Variants in SGTB observed in about 807,000 individuals in gnomAD.
The protein encoded by SGTB is small glutamine-rich tetratricopeptide repeat-containing protein beta.
A neutral mutation model predicts 43.9 loss-of-function variants in SGTB; 19 were observed. The observed-to-expected ratio is 0.43, with a 90% CI of 0.30 to 0.63. The LOEUF is 0.63. Among genes scored for constraint, SGTB ranks in the 30% least tolerant of loss-of-function variants. SGTB has a pLI of 0.12. For missense variants in SGTB, 304 were observed against 358.9 expected (o/e 0.85, Z 1.24); for synonymous variants, 116 against 117.3 (o/e 0.99, Z 0.07).
chr5:65,680,324 G>T (rs1757370335), intron 8 of SGTB, among the ~76,000 whole-genome samples, 170 bp downstream of exon 8: 1 of 152,116 alleles, frequency 6.6e-6, no homozygotes, highest in Admixed American at 6.5e-5. Flanking sequence ...ATTTACCCCT[G>T]CACTTGAAAT....
At chr5:65,696,262 C>T (rs1387930596) in intron 5 of SGTB, among the ~76,000 whole-genome samples, 5 of 152,022 alleles carry the variant, frequency 3.3e-5, no homozygotes. Flanking sequence ...CTGCATCATG[C>T]TCTCTCTCTC....
At chr5:65,687,979 G>T (rs1026205585) in intron 5 of SGTB, among the ~76,000 whole-genome samples, 4 of 152,024 alleles carry the variant, frequency 2.6e-5, no homozygotes, top group Non-Finnish European at 4.4e-5. Flanking sequence ...ATGTTGGCCA[G>T]GCTGATCTTG....
intron 10 of SGTB, among the ~76,000 whole-genome samples, chr5:65,671,309 C>T (rs997192888): frequency 3.3e-5 from 5 of 152,094 alleles, no homozygotes; most frequent in Admixed American, 6.6e-5. Flanking sequence ...TCTCCATACC[C>T]TCAAAGTACC....
At chr5:65,686,037 C>T (rs1757491323) in intron 5 of SGTB, among the ~76,000 whole-genome samples, 1 of 152,210 alleles carries the variant, frequency 6.6e-6, no homozygotes, top group Admixed American at 6.5e-5. Context: ...AAAAAGAACA[C>T]TTGCCTAGAT....
At chr5:65,682,971 T>C (rs1196461396) in intron 6 of SGTB, among the ~76,000 whole-genome samples, 7 of 152,162 alleles carry the variant, frequency 4.6e-5, no homozygotes, top group Non-Finnish European at 1.0e-4. Flanking sequence ...CTGATCAATA[T>C]ATAATCTTGT....
At chr5:65,687,854 C>T (rs143450647) in intron 5 of SGTB, among the ~76,000 whole-genome samples, 2,629 of 152,230 alleles carry the variant, frequency 0.017, 74 homozygotes, top group African/African-American at 0.06. Context: ...CTGCAACCTC[C>T]GTCTCCCAGG....
chr5:65,713,924 G>A (rs568775326), intron 2 of SGTB, among the ~76,000 whole-genome samples: 1 of 152,144 alleles, frequency 6.6e-6, no homozygotes, highest in Non-Finnish European at 1.5e-5. Flanking sequence ...AGCTACTCAG[G>A]AGGCTGAGGT....
chr5:65,672,627 C>T lies in SGTB; in HGVS notation c.682-346G>A, dbSNP rs186083148. On this transcript the variant is annotated intron_variant, in intron 8 of 10. Coordinates refer to ENST00000381007, the MANE Select transcript of SGTB (RefSeq NM_019072.3). ...CTCCTACACTTGAGAAGGTCCATTC[C>T]AAACGAGCTTTTAAGAGATGTGACT... is the stretch of plus-strand genomic sequence containing the variant. 3.5e-3 allele frequency among the ~76,000 whole-genome samples: 528 copies of T among 152,292 alleles called. 2 individuals carry two copies. Among genetic ancestry groups the T allele is most frequent in the Non-Finnish European group, 5.9e-3 (403 of 68,024 alleles).
upstream of SGTB, chr5:65,722,410 C>A: frequency 6.3e-7 from 1 of 1,589,966 alleles, no homozygotes; most frequent in Non-Finnish European, 8.6e-7. Flanking sequence ...GCGAAGCCTC[C>A]GCAGGTACCT....
Position 65,685,440 on chromosome 5 carries a change from G to A in SGTB, c.407C>T (p.Thr136Ile), listed in dbSNP as rs1162998047. 2 of 1,614,034 alleles carry A rather than the reference G, an allele frequency of 1.2e-6. No homozygotes were observed. The highest frequency in any genetic ancestry group is 1.7e-5 in the Admixed American group (1 of 59,996). Residue 136 changes from threonine (T) to isoleucine (I), a missense_variant, in exon 6 of 11, where the codon ACA becomes ATA. Thr to Ile is a moderately conservative substitution (Grantham distance 89, BLOSUM62 -1). Coordinates refer to ENST00000381007, the MANE Select transcript of SGTB (RefSeq NM_019072.3). Reference protein sequence around the residue: ...AAAQSKLGHYTDAIKDCEKAI... With the variant: ...AAAQSKLGHYIDAIKDCEKAI... Reference sequence around the variant, plus strand: ...TTTTTCACAATCCTTTATCGCATCTGTGTAGTGACCTAATTTGCTCTGAGC... The same window carrying A: ...TTTTTCACAATCCTTTATCGCATCTATGTAGTGACCTAATTTGCTCTGAGC...
At position 65,667,921 on chromosome 5, in the gene SGTB, A is replaced by G. The variant is rs1757071751; in HGVS notation, c.*2325T>C. On this transcript the variant is annotated 3_prime_UTR_variant, in exon 11 of 11. Coordinates refer to ENST00000381007, the MANE Select transcript of SGTB (RefSeq NM_019072.3). ...GAAAAGTTGGATTTTAAACTTCAAG[A>G]TACAAAATAATTAGTCTCTTAGTCT... is the stretch of plus-strand genomic sequence containing the variant. 6.6e-6 allele frequency: 1 copy of G among 151,590 alleles called. No homozygotes were observed. Among genetic ancestry groups the G allele is most frequent in the South Asian group, 2.1e-4 (1 of 4,776 alleles). The allele number at this position is 151,590 out of a possible 1,614,324, so 9.4% of individuals were successfully genotyped here. A position where few individuals can be genotyped will look rare whatever the true frequency, so the allele number is the denominator to read the frequency against.
intron 9 of SGTB, 88 bp from the exon 10 acceptor site, chr5:65,672,086 CA>C: frequency 3.2e-6 from 5 of 1,568,334 alleles, no homozygotes; most frequent in Non-Finnish European, 4.4e-6. Context: ...ATAAAATACC[CA>C]TGTTATACCA....
At chr5:65,703,767 G>A (rs145454437) in intron 5 of SGTB, among the ~76,000 whole-genome samples, 68 of 151,414 alleles carry the variant, frequency 4.5e-4, no homozygotes, top group African/African-American at 1.6e-3. Context: ...GCCGGGCGCG[G>A]TGGCTCACGC....
chr5:65,671,285 A>AT (rs1230111515), intron 10 of SGTB, among the ~76,000 whole-genome samples: 1 of 152,108 alleles, frequency 6.6e-6, no homozygotes, highest in African/African-American at 2.4e-5. Context: ...TGGACATATG[A>AT]TTTTTACTGT....
rs751861063 is a variant in SGTB at position 65,669,896 on chromosome 5, C to T, written c.*350G>A. 6.0e-6 allele frequency: 1 copy of T among 166,566 alleles called. No individual in the cohort carries two copies. Among genetic ancestry groups the T allele is most frequent in the Middle Eastern group, 2.6e-3 (1 of 380 alleles). 10.3% of individuals were successfully genotyped at this position (166,566 alleles called of 1,614,324 possible). A position where few individuals can be genotyped will look rare whatever the true frequency, so the allele number is the denominator to read the frequency against. On this transcript the variant is annotated 3_prime_UTR_variant, in exon 11 of 11. Transcript: ENST00000381007. Reference sequence around the variant, plus strand: ...AGGGAAATTGGAGCTAAAGAGCTTACCAACAAATAGCCCTACTAGAGTTCA... The same window carrying T: ...AGGGAAATTGGAGCTAAAGAGCTTATCAACAAATAGCCCTACTAGAGTTCA...
At chr5:65,712,122 C>G (rs1056096257) in intron 3 of SGTB, among the ~76,000 whole-genome samples, 3 of 152,096 alleles carry the variant, frequency 2.0e-5, no homozygotes, top group Admixed American at 6.5e-5. Context: ...CAAAAATTAA[C>G]TGGGTGTAGT....
At chr5:65,722,516 C>T, upstream of SGTB, 1 of 1,101,718 alleles carries the variant, frequency 9.1e-7, no homozygotes, top group South Asian at 1.4e-5. Context: ...CGCGCCTCTC[C>T]GACGCTCCCG....
At chr5:65,699,043 A>AG (rs1757763867) in intron 5 of SGTB, among the ~76,000 whole-genome samples, 1 of 151,926 alleles carries the variant, frequency 6.6e-6, no homozygotes, top group South Asian at 2.1e-4. Context: ...ACCCACCCAA[A>AG]GAAAAAAAAA....
intron 2 of SGTB, among the ~76,000 whole-genome samples, chr5:65,714,300 G>A (rs1037357145): frequency 6.6e-6 from 1 of 151,984 alleles, no homozygotes; most frequent in Non-Finnish European, 1.5e-5. Flanking sequence ...CTGGTCTAAG[G>A]TGGTAGAGAA....
Sources: allele counts gnomAD v4.1 joint callset (sites outside exome capture counted in the v4.1 genomes callset), GRCh38; gene constraint gnomAD v4.1.1; transcripts MANE v1.5; gene names NCBI Gene and HGNC (gene_info 2026-07-23, HGNC 2026-07-21).